The following PCDHGB4 variants were observed in gnomAD, a reference collection of about 807,000 sequenced individuals.
PCDHGB4 encodes the protein protocadherin gamma subfamily B, 4.
PCDHGB4 carries 38 observed loss-of-function variants against 60.5 expected under a neutral mutation model. The observed-to-expected ratio is 0.63, with a 90% CI of 0.48 to 0.82. PCDHGB4 has a LOEUF of 0.82. Ranked by LOEUF, PCDHGB4 falls within the 40% of genes least tolerant of loss-of-function variation. The pLI, the probability that PCDHGB4 is intolerant of heterozygous loss-of-function variation, is 0.00. For missense variants in PCDHGB4, 1,109 were observed against 1,209.6 expected (o/e 0.92, Z 1.23); for synonymous variants, 456 against 509.7 (o/e 0.89, Z 1.42).
In PCDHGB4 at chr5:141,490,647, G is replaced by T; in HGVS notation, c.2398-4160G>T. 6.2e-7 allele frequency: 1 copy of T among 1,614,084 alleles called. No homozygotes were observed. Among genetic ancestry groups the T allele is most frequent in the Non-Finnish European group, 8.5e-7 (1 of 1,180,014 alleles). ...CTTACATCCTAGAAAACCGGCCTCCGGGCTCCCTTCTTTGCACTGTGGCTG... is the reference window on the plus strand; with the variant it reads ...CTTACATCCTAGAAAACCGGCCTCCTGGCTCCCTTCTTTGCACTGTGGCTG... On this transcript the variant is annotated intron_variant, in intron 1 of 3. Transcript: ENST00000519479. This position sits in a 1 kb window ranked among gnomAD's most constrained non-coding sequence, Gnocchi z 5.4.
At chr5:141,496,760 G>A (rs144857340) in intron 2 of PCDHGB4, among the ~76,000 whole-genome samples, 4 of 152,108 alleles carry the variant, frequency 2.6e-5, no homozygotes, top group East Asian at 1.9e-4. Context: ...AATATTTATC[G>A]AGCATCTACT....
chr5:141,475,721 G>A (rs867365261), intron 1 of PCDHGB4, among the ~76,000 whole-genome samples: 1 of 152,248 alleles, frequency 6.6e-6, no homozygotes. Context: ...ACAGCCCCAA[G>A]GCTGGCTTTC....
At chr5:141,427,776 G>T (rs3828681) in intron 1 of PCDHGB4, 8 of 1,424,704 alleles carry the variant, frequency 5.6e-6, no homozygotes, top group Non-Finnish European at 9.8e-7. Context: ...GGAGCTGCGG[G>T]CACTGTCGTC....
At chr5:141,442,473 C>T (rs1435437337) in intron 1 of PCDHGB4, 1 of 152,240 alleles carries the variant, frequency 6.6e-6, no homozygotes, top group Non-Finnish European at 1.5e-5. Flanking sequence ...CAGAAAGCCC[C>T]TTGGGGAAGG....
At position 141,421,819 on chromosome 5, in the gene PCDHGB4, G is replaced by C. The variant is rs752366104; in HGVS notation, c.2397+31538G>C. The C allele has an allele frequency of 3.8e-5, 61 of 1,613,688 alleles. No homozygotes were observed. Among genetic ancestry groups the C allele is most frequent in the Non-Finnish European group, 4.9e-5 (58 of 1,179,892 alleles). ...GGCCAAGAATCCAGAGCTAGTACTG[G>C]AGGGAAGCCTGGACCGAGAGAAAGA... On this transcript the variant is annotated intron_variant, in intron 1 of 3. Coordinates refer to ENST00000519479, the MANE Select transcript of PCDHGB4 (RefSeq NM_003736.4).
chr5:141,505,377 C>G lies in PCDHGB4; in HGVS notation c.2457-16C>G, dbSNP rs1368451336. 1.9e-6 allele frequency: 3 copies of G among 1,614,036 alleles called. No homozygotes were observed. In the East Asian group the frequency reaches 6.7e-5, roughly 36 times the overall value. On this transcript the variant is annotated splice_polypyrimidine_tract_variant and intron_variant, in intron 2 of 3. Coordinates refer to ENST00000519479, the MANE Select transcript of PCDHGB4 (RefSeq NM_003736.4). Reference sequence around the variant, plus strand: ...CGGCCTGGGAGTCTGTGCTCACCATCCTACTCTCTCCCCAGCTCCCAAAAT... The same window carrying G: ...CGGCCTGGGAGTCTGTGCTCACCATGCTACTCTCTCCCCAGCTCCCAAAAT...
At chr5:141,409,954 C>T (rs774233531) in intron 1 of PCDHGB4, 3 of 1,613,356 alleles carry the variant, frequency 1.9e-6, no homozygotes, top group South Asian at 1.1e-5. Flanking sequence ...CTGCAGAGCC[C>T]GGCTACCTAG....
chr5:141,474,369 G>C (rs1424130168), intron 1 of PCDHGB4, among the ~76,000 whole-genome samples: 1 of 152,184 alleles, frequency 6.6e-6, no homozygotes, highest in Non-Finnish European at 1.5e-5. Flanking sequence ...AGTAGGTCTA[G>C]AGGAGGGCAT....
intron 1 of PCDHGB4, among the ~76,000 whole-genome samples, chr5:141,472,935 A>G (rs1593400204): frequency 6.6e-6 from 1 of 150,778 alleles, no homozygotes; most frequent in East Asian, 1.9e-4. Context: ...GTGGTGAGCC[A>G]AGATTATGCC....
Position 141,491,755 on chromosome 5 carries a change from G to A in PCDHGB4, c.2398-3052G>A. On this transcript the variant is annotated intron_variant, in intron 1 of 3. Transcript: ENST00000519479. This position sits in a 1 kb window ranked among gnomAD's most constrained non-coding sequence, Gnocchi z 6.9. Reference sequence around the variant, plus strand: ...CCCTGGGGGCGGCACTGGAGAAGCCGCCCGTCCTCATAAGGGATTGAACTT... The same window carrying A: ...CCCTGGGGGCGGCACTGGAGAAGCCACCCGTCCTCATAAGGGATTGAACTT... 6 of 1,582,196 alleles carry A rather than the reference G, an allele frequency of 3.8e-6. No individual in the cohort carries two copies. The highest frequency in any genetic ancestry group is 5.1e-6 in the Non-Finnish European group (6 of 1,165,450).
At chr5:141,454,796 ATTTTTTT>A (rs61612330) in intron 1 of PCDHGB4, among the ~76,000 whole-genome samples, 2,943 of 77,244 alleles carry the variant, frequency 0.038, 52 homozygotes, top group African/African-American at 0.09. Context: ...CATGGTTCTA[ATTTTTTT>A]TTTTTTTTTT....
intron 1 of PCDHGB4, among the ~76,000 whole-genome samples, chr5:141,425,696 A>G (rs1033976807): frequency 1.3e-4 from 20 of 152,242 alleles, no homozygotes; most frequent in African/African-American, 4.3e-4. Context: ...ATCATTTCAT[A>G]GTGGTCAAAA....
intron 1 of PCDHGB4, among the ~76,000 whole-genome samples, chr5:141,450,062 A>G (rs546772416): frequency 1.1e-4 from 15 of 142,322 alleles, no homozygotes; most frequent in African/African-American, 4.0e-4. Flanking sequence ...GCTGGAATGC[A>G]GTGGTATGAT....
At chr5:141,454,838 C>T (rs1472341694) in intron 1 of PCDHGB4, among the ~76,000 whole-genome samples, 7 of 100,814 alleles carry the variant, frequency 6.9e-5, no homozygotes, top group Non-Finnish European at 1.1e-4. Flanking sequence ...GACAGAGTCG[C>T]GCTCTGTCAC....
intron 1 of PCDHGB4, among the ~76,000 whole-genome samples, chr5:141,447,761 T>C (rs2098551051): frequency 1.3e-5 from 2 of 152,186 alleles, no homozygotes; most frequent in African/African-American, 4.8e-5. Context: ...TGACTGTATA[T>C]AAATTATACT....
Position 141,431,432 on chromosome 5 carries a change from AC to A in PCDHGB4, c.2397+41153del. 2 of 1,613,692 alleles carry A rather than the reference AC, an allele frequency of 1.2e-6. No individual in the cohort carries two copies. Among genetic ancestry groups the A allele is most frequent in the Non-Finnish European group, 1.7e-6 (2 of 1,180,026 alleles). On this transcript the variant is annotated intron_variant, in intron 1 of 3. Transcript: ENST00000519479. The surrounding 1 kb of genome is among the most constrained non-coding windows in gnomAD (Gnocchi z 4.8). ...CGGGGGCGACCCGGTGCGCACAGGC[AC>A]CGCGCGCATCCGCGTGATGGTTCTG... is the stretch of plus-strand genomic sequence containing the variant.
chr5:141,430,480 A>G (rs2097288752), intron 1 of PCDHGB4: 1 of 256,116 alleles, frequency 3.9e-6, no homozygotes, highest in Admixed American at 5.4e-5. Context: ...TTAAGATATA[A>G]AAACGAAATA....
At chr5:141,397,024 A>G (rs188506780) in intron 1 of PCDHGB4, among the ~76,000 whole-genome samples, 30 of 152,358 alleles carry the variant, frequency 2.0e-4, no homozygotes, top group African/African-American at 7.2e-4. Flanking sequence ...AAGGTTGACC[A>G]ATGTCCACAA....
At chr5:141,451,124 A>T (rs2098707796) in intron 1 of PCDHGB4, among the ~76,000 whole-genome samples, 1 of 152,102 alleles carries the variant, frequency 6.6e-6, no homozygotes, top group Non-Finnish European at 1.5e-5. Context: ...CACCACACCC[A>T]GCCTTATGAT....
Sources: gnomAD v4.1 joint callset for allele counts (sites outside exome capture counted in the v4.1 genomes callset) on GRCh38, gnomAD v4.1.1 for gene constraint, Gnocchi (gnomAD v3.1) non-coding constraint, MANE v1.5 for transcripts, NCBI Gene and HGNC (gene_info 2026-07-23, HGNC 2026-07-21) for gene names.